The following GALNT18 variants were observed in gnomAD, a reference collection of about 807,000 sequenced individuals.
The protein encoded by GALNT18 is GalNAc-transferase 18.
In GALNT18, 44 loss-of-function variants were observed where a neutral mutation model predicts 69.5. That is an observed-to-expected ratio of 0.63 (90% CI 0.50 to 0.81). The LOEUF (loss-of-function observed/expected upper bound fraction) is 0.81, where lower values mean the gene tolerates loss of function less well. Among genes scored for constraint, GALNT18 ranks in the 40% least tolerant of loss-of-function variants. GALNT18 has a pLI of 0.00. For synonymous variants in GALNT18, 364 were observed against 318.2 expected (o/e 1.14, Z -1.53); for missense variants, 715 against 810.0 (o/e 0.88, Z 1.42).
intron 1 of GALNT18, chr11:11,475,046 AG>A (rs1267872743): frequency 2.6e-5 from 4 of 152,184 alleles, no homozygotes; most frequent in African/African-American, 9.7e-5. Context: ...GGCATCTTTT[AG>A]GGGAAAATAT....
At chr11:11,472,084 G>C (rs1355009925) in intron 1 of GALNT18, among the ~76,000 whole-genome samples, 1 of 152,238 alleles carries the variant, frequency 6.6e-6, no homozygotes, top group Non-Finnish European at 1.5e-5. Context: ...GGAGTGTGCA[G>C]AGTGTGCAGC....
chr11:11,291,455 AG>A (rs1849295010), intron 10 of GALNT18, among the ~76,000 whole-genome samples: 1 of 149,536 alleles, frequency 6.7e-6, no homozygotes, highest in Admixed American at 6.7e-5. Context: ...GGATTAAATG[AG>A]TTAATATATG....
intron 6 of GALNT18, chr11:11,353,154 G>A: frequency 1.2e-6 from 2 of 1,610,734 alleles, no homozygotes; most frequent in South Asian, 2.2e-5. Context: ...TGGACTTGAT[G>A]TTTGGAGATC....
At chr11:11,418,334 G>A (rs1041129720) in intron 3 of GALNT18, among the ~76,000 whole-genome samples, 2 of 152,340 alleles carry the variant, frequency 1.3e-5, no homozygotes, top group East Asian at 3.9e-4. Flanking sequence ...AAAAATTAAA[G>A]AAGCCATGTG....
intron 2 of GALNT18, among the ~76,000 whole-genome samples, chr11:11,442,523 A>G (rs1265950746): frequency 6.6e-6 from 1 of 152,128 alleles, no homozygotes. Context: ...TGTTAAAACA[A>G]TCTTGCCCAC....
chr11:11,621,130 C>T lies in GALNT18; in HGVS notation c.235+229G>A, dbSNP rs1276444221. Among the ~76,000 whole-genome samples the T allele has an allele frequency of 6.6e-6, 1 of 152,206 alleles. No individual in the cohort carries two copies. The highest frequency in any genetic ancestry group is 1.5e-5 in the Non-Finnish European group (1 of 68,028). On this transcript the variant is annotated intron_variant, in intron 1 of 10. Coordinates refer to ENST00000227756, the MANE Select transcript of GALNT18 (RefSeq NM_198516.3). The surrounding 1 kb of genome is among the most constrained non-coding windows in gnomAD (Gnocchi z 9.3). ...ACCGCCAGCTAGCTGCACACATCCG[C>T]TCGTGCAGCCCTGCGCACACACGTG...
intron 1 of GALNT18, among the ~76,000 whole-genome samples, chr11:11,473,373 C>T (rs1471362674): frequency 6.6e-6 from 1 of 152,200 alleles, no homozygotes; most frequent in Non-Finnish European, 1.5e-5. Context: ...AACCCAGTCT[C>T]ATTCAAACAT....
At chr11:11,419,028 T>C (rs1349178606) in intron 3 of GALNT18, among the ~76,000 whole-genome samples, 3 of 152,176 alleles carry the variant, frequency 2.0e-5, no homozygotes, top group African/African-American at 7.2e-5. Flanking sequence ...GAGAACCACC[T>C]GAGCCACTGG....
intron 1 of GALNT18, among the ~76,000 whole-genome samples, chr11:11,599,195 A>G (rs1317013433): frequency 6.6e-6 from 1 of 152,150 alleles, no homozygotes; most frequent in Non-Finnish European, 1.5e-5. Context: ...GAAAGTATGG[A>G]AGTCTCCAAC....
At chr11:11,293,460 G>C (rs1045242367) in intron 9 of GALNT18, among the ~76,000 whole-genome samples, 1 of 148,100 alleles carries the variant, frequency 6.8e-6, no homozygotes, top group African/African-American at 2.5e-5. Flanking sequence ...ACTGATTTCT[G>C]TTCTAATCTT....
chr11:11,334,563 A>G (rs1288141558), intron 7 of GALNT18, among the ~76,000 whole-genome samples: 2 of 152,022 alleles, frequency 1.3e-5, no homozygotes, highest in Non-Finnish European at 2.9e-5. Flanking sequence ...AAACCAAAAA[A>G]CACAATTTAG....
Position 11,413,411 on chromosome 11 carries a change from G to T in GALNT18, c.595+19210C>A, listed in dbSNP as rs989317862. 6.6e-6 allele frequency among the ~76,000 whole-genome samples: 1 copy of T among 152,216 alleles called. No homozygotes were observed. The highest frequency in any genetic ancestry group is 2.4e-5 in the African/African-American group (1 of 41,448). ...TTCTCTGGAGGCCATTTGATCTGGG[G>T]AGGTGATTTTAATCAGGGATTTGAT... On this transcript the variant is annotated intron_variant, in intron 3 of 10. Transcript: ENST00000227756. The surrounding 1 kb of genome is among the most constrained non-coding windows in gnomAD (Gnocchi z 4.7).
chr11:11,585,054 A>G (rs1051519455), intron 1 of GALNT18, among the ~76,000 whole-genome samples: 1 of 152,234 alleles, frequency 6.6e-6, no homozygotes, highest in Non-Finnish European at 1.5e-5. Flanking sequence ...GTATAATAAA[A>G]TATGTCCACA....
chr11:11,462,947 T>C (rs1365531238), intron 1 of GALNT18, among the ~76,000 whole-genome samples: 1 of 152,162 alleles, frequency 6.6e-6, no homozygotes, highest in Admixed American at 6.5e-5. Context: ...GCCTGAGCCC[T>C]GGGCACACCA....
intron 6 of GALNT18, among the ~76,000 whole-genome samples, chr11:11,350,207 G>A (rs1589927285): frequency 6.6e-6 from 1 of 152,328 alleles, no homozygotes; most frequent in African/African-American, 2.4e-5. Flanking sequence ...CCAGGGTCAA[G>A]TTAGAGGGGC....
rs1455139710 is a variant in GALNT18, at chr11:11,511,965, GT to G, written c.236-63030del. On this transcript the variant is annotated intron_variant, in intron 1 of 10. Coordinates refer to ENST00000227756, the MANE Select transcript of GALNT18 (RefSeq NM_198516.3). This position sits in a 1 kb window ranked among gnomAD's most constrained non-coding sequence, Gnocchi z 4.9. ...CAAACTGATCAACACATATACATAT[GT>G]ATATGTATGCATACCATCATATGTA... 6.6e-6 allele frequency among the ~76,000 whole-genome samples: 1 copy of G among 152,088 alleles called. No individual in the cohort carries two copies. The highest frequency in any genetic ancestry group is 2.4e-5 in the African/African-American group (1 of 41,394).
chr11:11,280,595 C>A (rs371292281), intron 10 of GALNT18, among the ~76,000 whole-genome samples: 1 of 152,170 alleles, frequency 6.6e-6, no homozygotes, highest in African/African-American at 2.4e-5. Flanking sequence ...CCAGTTTTTC[C>A]CAGCATTTCC....
chr11:11,485,289 C>A (rs1162537232), intron 1 of GALNT18, among the ~76,000 whole-genome samples: 1 of 152,188 alleles, frequency 6.6e-6, no homozygotes, highest in Non-Finnish European at 1.5e-5. Flanking sequence ...ATGCTGCTTG[C>A]AAGTAGCAGG....
At chr11:11,433,019 A>G (rs554984134) in intron 2 of GALNT18, among the ~76,000 whole-genome samples, 1 of 152,390 alleles carries the variant, frequency 6.6e-6, no homozygotes, top group South Asian at 2.1e-4. Context: ...TGACTATGCC[A>G]GCTGAACAGT....
Sources: gnomAD v4.1 joint callset for allele counts (sites outside exome capture counted in the v4.1 genomes callset) on GRCh38, gnomAD v4.1.1 for gene constraint, Gnocchi (gnomAD v3.1) non-coding constraint, MANE v1.5 for transcripts, NCBI Gene and HGNC (gene_info 2026-07-23, HGNC 2026-07-21) for gene names.